PACSIN1: variants seen among roughly 807,000 people sequenced by gnomAD.
The protein encoded by PACSIN1 is protein kinase C and casein kinase substrate in neurons protein 1.
Under a neutral mutation model 59.5 loss-of-function variants are expected in PACSIN1, and 15 were observed. The ratio of observed to expected loss-of-function variants is 0.25; its 90% confidence interval spans 0.17 to 0.39. The LOEUF is 0.39. Among genes scored for constraint, PACSIN1 ranks in the 10% least tolerant of loss-of-function variants. PACSIN1 has a pLI of 1.00. For missense variants in PACSIN1, 420 were observed against 580.2 expected (o/e 0.72, Z 2.84); for synonymous variants, 210 against 220.6 (o/e 0.95, Z 0.42).
rs1767276357 is a variant in PACSIN1 at position 34,515,491 on chromosome 6, A to C, written c.-63-10752A>C. Among the ~76,000 whole-genome samples, 1 of 152,074 alleles carries C rather than the reference A, an allele frequency of 6.6e-6. No homozygotes were observed. The highest frequency in any genetic ancestry group is 2.4e-5 in the African/African-American group (1 of 41,392). ...CTCAAGGCACTGCTAGGCTCTGGCC[A>C]TTTGGGATAAGCAGACTCTCCTCCC... On this transcript the variant is annotated intron_variant, in intron 1 of 9. Transcript: ENST00000244458. The surrounding 1 kb of genome is among the most constrained non-coding windows in gnomAD (Gnocchi z 4.4).
At chr6:34,517,793 A>T (rs1275545994) in intron 1 of PACSIN1, among the ~76,000 whole-genome samples, 1 of 151,834 alleles carries the variant, frequency 6.6e-6, no homozygotes, top group African/African-American at 2.4e-5. Context: ...ACCTTCTAAC[A>T]TCCTTGATTA....
intron 1 of PACSIN1, among the ~76,000 whole-genome samples, chr6:34,483,856 C>T (rs6918865): frequency 0.99 from 150,975 of 151,802 alleles, 75,080 homozygotes; most frequent in Middle Eastern, 1. Flanking sequence ...TCCATGTTGG[C>T]CAGGCTGGTC....
intron 1 of PACSIN1, among the ~76,000 whole-genome samples, chr6:34,471,633 C>T (rs773797109): frequency 6.6e-5 from 10 of 152,138 alleles, no homozygotes; most frequent in South Asian, 4.2e-4. Context: ...TCTCATTTGG[C>T]GGAGGGCGTG....
intron 1 of PACSIN1, among the ~76,000 whole-genome samples, chr6:34,481,180 G>A (rs1350890308): frequency 1.3e-5 from 2 of 151,664 alleles, no homozygotes; most frequent in East Asian, 1.9e-4. Context: ...CCGAGAGCTG[G>A]GACTACAGGC....
intron 1 of PACSIN1, among the ~76,000 whole-genome samples, chr6:34,513,755 A>G (rs190072808): frequency 8.8e-4 from 134 of 151,960 alleles, no homozygotes; most frequent in African/African-American, 3.0e-3. Flanking sequence ...CCTGTCTCCA[A>G]CCCCACCCCA....
rs1301794194 is a variant in PACSIN1, at chr6:34,525,999, T to C, written c.-63-244T>C. On this transcript the variant is annotated intron_variant, in intron 1 of 9. Transcript: ENST00000244458. This position sits in a 1 kb window ranked among gnomAD's most constrained non-coding sequence, Gnocchi z 4.9. Reference sequence around the variant, plus strand: ...GGGGCTGGCTTCTGAACGGAGGTGCTCATACTGGATAGAGGATGGATTCCA... The same window carrying C: ...GGGGCTGGCTTCTGAACGGAGGTGCCCATACTGGATAGAGGATGGATTCCA... 6.6e-6 allele frequency among the ~76,000 whole-genome samples: 1 copy of C among 151,512 alleles called. No individual in the cohort carries two copies. Among genetic ancestry groups the C allele is most frequent in the Non-Finnish European group, 1.5e-5 (1 of 67,872 alleles).
At chr6:34,487,774 C>G (rs1766817072) in intron 1 of PACSIN1, among the ~76,000 whole-genome samples, 1 of 152,146 alleles carries the variant, frequency 6.6e-6, no homozygotes, top group Non-Finnish European at 1.5e-5. Flanking sequence ...TCCCTTCAGC[C>G]AAGGGCAATG....
intron 1 of PACSIN1, among the ~76,000 whole-genome samples, chr6:34,470,001 C>G (rs755846730): frequency 6.6e-6 from 1 of 152,102 alleles, no homozygotes; most frequent in African/African-American, 2.4e-5. Flanking sequence ...GCTGGGGACA[C>G]TTTGTGGCTG....
intron 3 of PACSIN1, among the ~76,000 whole-genome samples, chr6:34,528,023 TG>T (rs1767520980): frequency 6.6e-6 from 1 of 152,276 alleles, no homozygotes; most frequent in African/African-American, 2.4e-5. Context: ...AGTCGCACAT[TG>T]CCTCTATGCA....
chr6:34,529,340 C>T lies in PACSIN1; in HGVS notation c.457-57C>T. ...GGCAGGGGAGGAGTTAATGGGTGACCATGTTTGCTGCTGGTCACAAATGAA... is the reference window on the plus strand; with the variant it reads ...GGCAGGGGAGGAGTTAATGGGTGACTATGTTTGCTGCTGGTCACAAATGAA... On this transcript the variant is annotated intron_variant, in intron 4 of 9. Transcript: ENST00000244458. The surrounding 1 kb of genome is among the most constrained non-coding windows in gnomAD (Gnocchi z 6.3). 6.3e-7 allele frequency: 1 copy of T among 1,598,906 alleles called. No individual in the cohort carries two copies. Among genetic ancestry groups the T allele is most frequent in the Non-Finnish European group, 8.6e-7 (1 of 1,168,382 alleles).
intron 1 of PACSIN1, among the ~76,000 whole-genome samples, chr6:34,498,250 CG>C (rs1183006479): frequency 6.6e-6 from 1 of 151,896 alleles, no homozygotes; most frequent in Non-Finnish European, 1.5e-5. Flanking sequence ...TTAGTAGAAA[CG>C]GAGTTTCACC....
In PACSIN1 at chr6:34,533,192, A is replaced by C. The variant is rs1214017943; in HGVS notation, c.*662A>C. 5 of 152,484 alleles carry C rather than the reference A, an allele frequency of 3.3e-5. No individual in the cohort carries two copies. Among genetic ancestry groups the C allele is most frequent in the Admixed American group, 6.5e-5 (1 of 15,312 alleles). 9.4% of individuals were successfully genotyped at this position (152,484 alleles called of 1,614,324 possible). The stretch of plus-strand genomic sequence containing the variant: ...GGAAGTCATGGTGTCACTGGGGTAC[A>C]GGAGGGTGAATGAAGGGCATGCAGG... On this transcript the variant is annotated 3_prime_UTR_variant, in exon 10 of 10. Transcript: ENST00000244458.
chr6:34,477,701 T>A (rs1176040408), intron 1 of PACSIN1, among the ~76,000 whole-genome samples: 1 of 152,260 alleles, frequency 6.6e-6, no homozygotes. Flanking sequence ...TTCTGAAACA[T>A]GGTGCATACT....
At chr6:34,493,978 GT>G (rs957041059) in intron 1 of PACSIN1, among the ~76,000 whole-genome samples, 1 of 152,100 alleles carries the variant, frequency 6.6e-6, no homozygotes, top group Non-Finnish European at 1.5e-5. Context: ...AGCTCCTTTG[GT>G]TCTCATAATA....
chr6:34,528,955 T>TATGG, intron 4 of PACSIN1, 78 bp downstream of exon 4: 1 of 1,140,658 alleles, frequency 8.8e-7, no homozygotes. Context: ...GGAGGGCATC[T>TATGG]ATGGATGGGT....
At position 34,525,765 on chromosome 6, in the gene PACSIN1, G is replaced by A. The variant is rs1216732680; in HGVS notation, c.-63-478G>A. Among the ~76,000 whole-genome samples the A allele has an allele frequency of 2.0e-5, 3 of 152,166 alleles. No individual in the cohort carries two copies. Among genetic ancestry groups the A allele is most frequent in the East Asian group, 1.9e-4 (1 of 5,200 alleles). On this transcript the variant is annotated intron_variant, in intron 1 of 9. Transcript: ENST00000244458. This position sits in a 1 kb window ranked among gnomAD's most constrained non-coding sequence, Gnocchi z 4.9. ...CAGGGCAGACACAGCCACCCCAGACGCTCCCATAGATCTCGGTGGTGTGAC... is the reference window on the plus strand; with the variant it reads ...CAGGGCAGACACAGCCACCCCAGACACTCCCATAGATCTCGGTGGTGTGAC...
chr6:34,514,574 A>G lies in PACSIN1; in HGVS notation c.-63-11669A>G, dbSNP rs73407717. Among the ~76,000 whole-genome samples, 1,427 of 152,192 alleles carry G rather than the reference A, an allele frequency of 9.4e-3. 27 individuals carry two copies. Among genetic ancestry groups the G allele is most frequent in the African/African-American group, 0.032 (1,319 of 41,528 alleles). ...TCTGGAAGGACGATTGGGAGGTGGG[A>G]TCTTGGGGAGAAAGGGAAGAAAGGG... On this transcript the variant is annotated intron_variant, in intron 1 of 9. Coordinates refer to ENST00000244458, the MANE Select transcript of PACSIN1 (RefSeq NM_020804.5). This position sits in a 1 kb window ranked among gnomAD's most constrained non-coding sequence, Gnocchi z 4.4.
chr6:34,490,797 G>T lies in PACSIN1; in HGVS notation c.-64+24527G>T, dbSNP rs571352804. Among the ~76,000 whole-genome samples the T allele has an allele frequency of 1.3e-5, 2 of 152,268 alleles. 1 individual carries two copies. The highest frequency in any genetic ancestry group is 4.1e-4 in the South Asian group (2 of 4,832). On this transcript the variant is annotated intron_variant, in intron 1 of 9. Transcript: ENST00000244458. ...CATGCCCCCCTTCTCCAGGCCTTTGGATCCTTTCTTCCACTGCCTGACACG... is the reference window on the plus strand; with the variant it reads ...CATGCCCCCCTTCTCCAGGCCTTTGTATCCTTTCTTCCACTGCCTGACACG...
At chr6:34,466,623 G>A (rs777693505) in intron 1 of PACSIN1, among the ~76,000 whole-genome samples, 1 of 152,216 alleles carries the variant, frequency 6.6e-6, no homozygotes. Flanking sequence ...AGAAGGGGTG[G>A]GTGGGCTGGT....
Sources: gnomAD v4.1 joint callset for allele counts (sites outside exome capture counted in the v4.1 genomes callset) on GRCh38, gnomAD v4.1.1 for gene constraint, Gnocchi (gnomAD v3.1) non-coding constraint, MANE v1.5 for transcripts, NCBI Gene and HGNC (gene_info 2026-07-23, HGNC 2026-07-21) for gene names.